PGLYRP4: variants seen among roughly 807,000 people sequenced by gnomAD.
PGLYRP4 encodes peptidoglycan recognition protein 4, also known as PGRP-I-beta.
PGLYRP4 carries 39 observed loss-of-function variants against 41.2 expected under a neutral mutation model. The observed-to-expected ratio is 0.95, with a 90% confidence interval of 0.73 to 1.24. PGLYRP4 has a LOEUF of 1.24. Ranked by LOEUF, PGLYRP4 falls within the 50% of genes most tolerant of loss-of-function variation. The probability of loss-of-function intolerance (pLI) is 0.00; values close to 1 mark genes in which losing one functional copy is unlikely to be tolerated. For synonymous variants in PGLYRP4, 202 were observed against 186.8 expected, an observed-to-expected ratio of 1.08 and a Z score of -0.66; for missense variants, 467 against 460.7, an observed-to-expected ratio of 1.01 and a Z score of -0.13.
Position 153,343,215 on chromosome 1 carries a change from A to G in PGLYRP4, c.354-7T>C. On this transcript the variant is annotated splice_region_variant and splice_polypyrimidine_tract_variant and intron_variant, in intron 4 of 8. Transcript: ENST00000359650. ...ATCATCCCCAACCAGGAAGCTATGG[A>G]GCAAGATAATACAGGTTTCATGGCT... 6.3e-7 allele frequency: 1 copy of G among 1,590,566 alleles called. No homozygotes were observed. Among genetic ancestry groups the G allele is most frequent in the Non-Finnish European group, 8.6e-7 (1 of 1,158,630 alleles).
At chr1:153,340,855 T>C (rs1001200840) in intron 6 of PGLYRP4, among the ~76,000 whole-genome samples, 1 of 152,264 alleles carries the variant, frequency 6.6e-6, no homozygotes, top group African/African-American at 2.4e-5. Context: ...TGTTAACAGA[T>C]GGCACCAGAG....
Position 153,340,410 on chromosome 1 carries a change from G to A in PGLYRP4, c.795C>T (p.Asp265=). The change falls in exon 7 of 9, where the codon GAC becomes GAT. Residue 265 remains aspartate, a synonymous_variant. Transcript: ENST00000359650. The part of the protein sequence containing the change: ...LVRDIQSFYI[D]RLKSCDIGYN... ...AACCAATGTCGCATGACTTGAGCCT[G>A]TCTATGTAGAAAGACTGGATGTCCC... The A allele has an allele frequency of 2.5e-6, 4 of 1,614,194 alleles. No individual in the cohort carries two copies. The highest frequency in any genetic ancestry group is 3.4e-6 in the Non-Finnish European group (4 of 1,180,030).
chr1:153,346,324 G>A lies in PGLYRP4; in HGVS notation c.50-133C>T, dbSNP rs1426218754. On this transcript the variant is annotated intron_variant, in intron 2 of 8. Transcript: ENST00000359650. ...CCTCAAATCCCAGAGCCTCCTCTAA[G>A]AAATCTCTCTGGGCTGACCAGAGGG... 1.9e-5 allele frequency: 14 copies of A among 724,486 alleles called. No homozygotes were observed. In the East Asian group the frequency reaches 3.5e-4, roughly 18 times the overall value. 44.9% of individuals were successfully genotyped at this position (724,486 alleles called of 1,614,324 possible).
intron 7 of PGLYRP4, 55 bp downstream of exon 7, chr1:153,340,326 G>A: frequency 2.0e-6 from 3 of 1,495,770 alleles, no homozygotes; most frequent in Non-Finnish European, 2.8e-6. Context: ...TCCTTTCAAA[G>A]GCTCAGTTTC....
At chr1:153,338,371 A>G (rs1208009874) in intron 7 of PGLYRP4, among the ~76,000 whole-genome samples, 1 of 152,162 alleles carries the variant, frequency 6.6e-6, no homozygotes, top group Non-Finnish European at 1.5e-5. Flanking sequence ...GTCACCACTC[A>G]GTCCTGCCTG....
At chr1:153,342,543 G>A (rs1399644123) in intron 5 of PGLYRP4, among the ~76,000 whole-genome samples, 5 of 152,244 alleles carry the variant, frequency 3.3e-5, no homozygotes, top group African/African-American at 9.6e-5. Context: ...TCAAAGGAAT[G>A]GTCCTGGAGT....
intron 2 of PGLYRP4, among the ~76,000 whole-genome samples, chr1:153,346,887 A>G (rs1322390134): frequency 6.6e-6 from 1 of 152,224 alleles, no homozygotes; most frequent in Non-Finnish European, 1.5e-5. Flanking sequence ...AGTCATAACT[A>G]TCTCAATTTT....
In PGLYRP4 at chr1:153,330,482, C is replaced by A; in HGVS notation, c.*285G>T. On this transcript the variant is annotated 3_prime_UTR_variant, in exon 9 of 9. Coordinates refer to ENST00000359650, the MANE Select transcript of PGLYRP4 (RefSeq NM_020393.4). ...AGAGAGAAATGAAACAAGAACCAGC[C>A]CATTGTCTCACCTGGCTGAGGAGTT... 1 of 238,350 alleles carries A rather than the reference C, an allele frequency of 4.2e-6. No individual in the cohort carries two copies. Among genetic ancestry groups the A allele is most frequent in the Admixed American group, 4.8e-5 (1 of 20,728 alleles). 14.8% of individuals were successfully genotyped at this position (238,350 alleles called of 1,614,324 possible). A position where few individuals can be genotyped will look rare whatever the true frequency, so the allele number is the denominator to read the frequency against.
chr1:153,337,171 A>C lies in PGLYRP4; in HGVS notation c.943+10T>G, dbSNP rs1204035637. On this transcript the variant is annotated intron_variant, in intron 8 of 8. Transcript: ENST00000359650. Reference sequence around the variant, plus strand: ...ATGCAATGACCCTACTGACCAAAGCATCCACTTACCTGTGAAGGTGCCCAT... The same window carrying C: ...ATGCAATGACCCTACTGACCAAAGCCTCCACTTACCTGTGAAGGTGCCCAT... 2 of 1,555,094 alleles carry C rather than the reference A, an allele frequency of 1.3e-6. No homozygotes were observed. Among genetic ancestry groups the C allele is most frequent in the Non-Finnish European group, 1.8e-6 (2 of 1,126,564 alleles).
At chr1:153,343,246 T>C (rs749985280) in intron 4 of PGLYRP4, 38 bp from the exon 5 acceptor site, 1 of 1,408,382 alleles carries the variant, frequency 7.1e-7, no homozygotes, top group African/African-American at 1.4e-5. Flanking sequence ...TGGCTGGCAC[T>C]GTAGGACATT....
chr1:153,332,084 A>G (rs1754133), intron 8 of PGLYRP4, among the ~76,000 whole-genome samples: 1 of 151,926 alleles, frequency 6.6e-6, no homozygotes, highest in Non-Finnish European at 1.5e-5. Context: ...CCTAACTGGT[A>G]AATAAATTTA....
At position 153,330,746 on chromosome 1, in the gene PGLYRP4, C is replaced by T; in HGVS notation, c.*21G>A. ...CCTGACAGGGGAGGGAAAGCAGTCT[C>T]AGAAGGACCTGGGGCTTCTCTCAGT... On this transcript the variant is annotated 3_prime_UTR_variant, in exon 9 of 9. Coordinates refer to ENST00000359650, the MANE Select transcript of PGLYRP4 (RefSeq NM_020393.4). The T allele has an allele frequency of 6.2e-7, 1 of 1,605,320 alleles. No homozygotes were observed. Among genetic ancestry groups the T allele is most frequent in the Non-Finnish European group, 8.5e-7 (1 of 1,173,608 alleles).
rs1660311338 is a variant in PGLYRP4 at position 153,330,932 on chromosome 1, A to T, written c.957T>A (p.Asn319Lys). 6.2e-7 allele frequency: 1 copy of T among 1,613,260 alleles called. No individual in the cohort carries two copies. Among genetic ancestry groups the T allele is most frequent in the East Asian group, 2.2e-5 (1 of 44,846 alleles). The change falls in exon 9 of 9, where the codon AAT (asparagine) becomes AAA (lysine). Residue 319 changes from asparagine to lysine, a missense_variant. Transcript: ENST00000359650. ...CTTGGGCTGCCTCTAGTGCTGCAGC[A>T]TTGGGTGGTATACCTGCAAAACACA... is the stretch of plus-strand genomic sequence containing the variant. ...FMGTFTGIPP[N>K]AAALEAAQDL...
At chr1:153,332,828 A>G (rs1209700479) in intron 8 of PGLYRP4, among the ~76,000 whole-genome samples, 1 of 152,170 alleles carries the variant, frequency 6.6e-6, no homozygotes, top group Non-Finnish European at 1.5e-5. Flanking sequence ...ATTTTTTGAA[A>G]TAAATGAAAA....
At chr1:153,332,230 T>A (rs1660368880) in intron 8 of PGLYRP4, among the ~76,000 whole-genome samples, 1 of 152,116 alleles carries the variant, frequency 6.6e-6, no homozygotes, top group South Asian at 2.1e-4. Context: ...AAGTTCATTA[T>A]GTAATGATAA....
intron 4 of PGLYRP4, among the ~76,000 whole-genome samples, chr1:153,343,863 G>A (rs1481352937): frequency 6.6e-6 from 1 of 152,212 alleles, no homozygotes; most frequent in African/African-American, 2.4e-5. Flanking sequence ...CTCAGGCGCA[G>A]AGAGGGGTGG....
chr1:153,347,862 G>A, intron 2 of PGLYRP4, 22 bp downstream of exon 2: 3 of 1,582,806 alleles, frequency 1.9e-6, no homozygotes, highest in Non-Finnish European at 2.6e-6. Flanking sequence ...GTTGCTTTTT[G>A]GCCCAGGGAA....
intron 8 of PGLYRP4, among the ~76,000 whole-genome samples, chr1:153,332,831 A>C (rs1488922533): frequency 6.6e-6 from 1 of 152,144 alleles, no homozygotes; most frequent in Non-Finnish European, 1.5e-5. Context: ...TTTTGAAATA[A>C]ATGAAAATAG....
intron 7 of PGLYRP4, among the ~76,000 whole-genome samples, chr1:153,338,833 C>A (rs2101563889): frequency 6.6e-6 from 1 of 152,288 alleles, no homozygotes; most frequent in Non-Finnish European, 1.5e-5. Flanking sequence ...GTCTACCCTC[C>A]ATGTGTCCCC....
Sources: gnomAD v4.1 joint callset for allele counts (sites outside exome capture counted in the v4.1 genomes callset) on GRCh38, gnomAD v4.1.1 for gene constraint, MANE v1.5 for transcripts, NCBI Gene and HGNC (gene_info 2026-07-23, HGNC 2026-07-21) for gene names.